SCRG1: variants seen among roughly 807,000 people sequenced by gnomAD.
SCRG1 encodes the protein scrapie-responsive protein 1.
Under a neutral mutation model 7.7 loss-of-function variants are expected in SCRG1, and 3 were observed. That is an observed-to-expected ratio of 0.39 (90% CI 0.18 to 1.01). The LOEUF (loss-of-function observed/expected upper bound fraction) is 1.01, where lower values mean the gene tolerates loss of function less well. Ranked by LOEUF, SCRG1 falls within the 50% of genes least tolerant of loss-of-function variation. The pLI, the probability that SCRG1 is intolerant of heterozygous loss-of-function variation, is 0.36. For synonymous variants in SCRG1, 46 were observed against 41.2 expected (o/e 1.12, Z -0.44); for missense variants, 110 against 117.2 (o/e 0.94, Z 0.28).
At chr4:173,470,461 C>A in the SCRG1 span, among the ~76,000 whole-genome samples, 1 of 152,146 alleles carries the variant, frequency 6.6e-6, no homozygotes, top group Non-Finnish European at 1.5e-5. Flanking sequence ...TTGCTGAGTA[C>A]ATGGTTATAA....
the SCRG1 span, among the ~76,000 whole-genome samples, chr4:173,451,352 T>C: frequency 2.0e-5 from 3 of 151,766 alleles, no homozygotes; most frequent in African/African-American, 7.3e-5. Flanking sequence ...AAAGCTGAAA[T>C]TGAAACTGAG....
chr4:173,484,945 A>G, the SCRG1 span, among the ~76,000 whole-genome samples: 3 of 62,608 alleles, frequency 4.8e-5, no homozygotes, highest in African/African-American at 6.5e-5. Context: ...ATTATATATT[A>G]TATATAATAT....
the SCRG1 span, among the ~76,000 whole-genome samples, chr4:173,484,379 A>ATATACATATAATATATAT: frequency 2.0e-5 from 1 of 49,276 alleles, no homozygotes; most frequent in African/African-American, 7.1e-5. Context: ...ATTATATATT[A>ATATACATATAATATATAT]TGTATATTTT....
chr4:173,493,995 T>C, the SCRG1 span, among the ~76,000 whole-genome samples: 1 of 152,314 alleles, frequency 6.6e-6, no homozygotes, highest in South Asian at 2.1e-4. Flanking sequence ...ATAACAAAAT[T>C]TGAAAACTGA....
the SCRG1 span, among the ~76,000 whole-genome samples, chr4:173,501,402 A>G: frequency 6.6e-6 from 1 of 152,164 alleles, no homozygotes; most frequent in African/African-American, 2.4e-5. The surrounding 1 kb of genome is among the most constrained non-coding windows in gnomAD (Gnocchi z 5.1). Flanking sequence ...ATGCGGCTTG[A>G]GATGCCCTGG....
chr4:173,485,163 T>TAA, the SCRG1 span, among the ~76,000 whole-genome samples: 3 of 100,350 alleles, frequency 3.0e-5, 1 homozygote, highest in African/African-American at 4.3e-5. Flanking sequence ...ATATAATATA[T>TAA]TATATATATT....
the SCRG1 span, among the ~76,000 whole-genome samples, chr4:173,454,965 T>A: frequency 6.6e-6 from 1 of 152,174 alleles, no homozygotes; most frequent in Non-Finnish European, 1.5e-5. Flanking sequence ...TGGAATTCTG[T>A]GTTCTATAGT....
chr4:173,504,729 A>T, the SCRG1 span, among the ~76,000 whole-genome samples: 7 of 152,316 alleles, frequency 4.6e-5, no homozygotes, highest in South Asian at 1.5e-3. The surrounding 1 kb of genome is among the most constrained non-coding windows in gnomAD (Gnocchi z 4.7). Context: ...AGGAGATGTC[A>T]CTGAAAGGTC....
At chr4:173,397,075 CAAAAT>C (rs1040476270) in intron 1 of SCRG1, among the ~76,000 whole-genome samples, 10 of 152,152 alleles carry the variant, frequency 6.6e-5, no homozygotes, top group African/African-American at 2.4e-4. Flanking sequence ...TAAAATAAAA[CAAAAT>C]AAAATAAAAT....
the SCRG1 span, among the ~76,000 whole-genome samples, chr4:173,433,347 A>G: frequency 2.6e-5 from 4 of 152,252 alleles, no homozygotes; most frequent in Admixed American, 6.5e-5. Flanking sequence ...AATTGTAAAG[A>G]TAGTTCTCCC....
In SCRG1 at chr4:173,387,207, C is replaced by CT. The variant is rs3052307; in HGVS notation, c.*1133dup. The CT allele has an allele frequency of 1.3e-5, 2 of 152,148 alleles. No individual in the cohort carries two copies. Among genetic ancestry groups the CT allele is most frequent in the Admixed American group, 1.3e-4 (2 of 15,270 alleles). 9.4% of individuals were successfully genotyped at this position (152,148 alleles called of 1,614,324 possible). A position where few individuals can be genotyped will look rare whatever the true frequency, so the allele number is the denominator to read the frequency against. On this transcript the variant is annotated 3_prime_UTR_variant, in exon 3 of 3. Transcript: ENST00000296506. ...GCATATGGGCTTTGGAATTGGAACT[C>CT]TTGAAAATCTGCCTTGATTTTTAGC...
the SCRG1 span, chr4:173,468,134 A>G: frequency 6.6e-6 from 1 of 152,622 alleles, no homozygotes; most frequent in Non-Finnish European, 1.5e-5. Flanking sequence ...TGGACCACAT[A>G]TACAACGGTG....
chr4:173,495,516 A>G, the SCRG1 span, among the ~76,000 whole-genome samples: 1 of 152,372 alleles, frequency 6.6e-6, no homozygotes, highest in East Asian at 1.9e-4. Context: ...GAAAATGTGT[A>G]CATGCATGGG....
At chr4:173,449,509 G>A in the SCRG1 span, among the ~76,000 whole-genome samples, 4 of 142,944 alleles carry the variant, frequency 2.8e-5, no homozygotes, top group African/African-American at 8.0e-5. Context: ...CAAAGTCATC[G>A]TGTCTGTCTG....
chr4:173,484,224 A>G, the SCRG1 span, among the ~76,000 whole-genome samples: 1 of 84,286 alleles, frequency 1.2e-5, no homozygotes, highest in African/African-American at 4.9e-5. Context: ...TATATTATAT[A>G]TAATATATAT....
chr4:173,452,251 A>G, the SCRG1 span, among the ~76,000 whole-genome samples: 252 of 151,934 alleles, frequency 1.7e-3, 1 homozygote, highest in Non-Finnish European at 2.8e-3. Context: ...AGAAAAAAAA[A>G]AAGAAAATCA....
upstream of SCRG1, among the ~76,000 whole-genome samples, chr4:173,410,787 A>G (rs185973992): frequency 1.2e-4 from 18 of 152,348 alleles, no homozygotes; most frequent in Admixed American, 9.8e-4. Flanking sequence ...AAAAAAAACT[A>G]TATATCTCAA....
chr4:173,406,643 A>C (rs1578971282), upstream of SCRG1, among the ~76,000 whole-genome samples: 1 of 151,570 alleles, frequency 6.6e-6, no homozygotes, highest in South Asian at 2.1e-4. Flanking sequence ...CCTCCCTCCT[A>C]CCCTGAACTC....
chr4:173,484,449 A>ATATATATACATATAATATATAT, the SCRG1 span, among the ~76,000 whole-genome samples: 1 of 12,116 alleles, frequency 8.3e-5, no homozygotes, highest in African/African-American at 2.3e-4. Context: ...ATGATATATA[A>ATATATATACATATAATATATAT]TATATATTAT....
Sources: allele counts gnomAD v4.1 joint callset (sites outside exome capture counted in the v4.1 genomes callset), GRCh38; gene constraint gnomAD v4.1.1; non-coding constraint Gnocchi (gnomAD v3.1); transcripts MANE v1.5; gene names NCBI Gene and HGNC (gene_info 2026-07-23, HGNC 2026-07-21).